SGCZ: variants seen among roughly 807,000 people sequenced by gnomAD.
SGCZ encodes the protein sarcoglycan zeta, also known as zeta-sarcoglycan.
Under a neutral mutation model 41.3 loss-of-function variants are expected in SGCZ, and 40 were observed. That is an observed-to-expected ratio of 0.97 (90% CI 0.75 to 1.26). The LOEUF is 1.26. SGCZ is among the 50% of genes most tolerant of loss of function. The pLI is 0.00. For missense variants in SGCZ, 552 were observed against 369.8 expected (o/e 1.49, Z -4.04); for synonymous variants, 206 against 137.5 (o/e 1.50, Z -3.49).
chr8:14,277,980 A>G (rs1307841587), intron 3 of SGCZ, among the ~76,000 whole-genome samples: 2 of 152,078 alleles, frequency 1.3e-5, no homozygotes, highest in African/African-American at 2.4e-5. Flanking sequence ...ATTTTTATCT[A>G]CTCTTCTGAG....
In SGCZ at chr8:14,085,212, T is replaced by A. The variant is rs1037518152; in HGVS notation, c.*5231A>T. The stretch of plus-strand genomic sequence containing the variant: ...TTTTGTAATTTTGGTAATATTGCAA[T>A]TTTACAAACATGTTGCATAGTATGT... On this transcript the variant is annotated 3_prime_UTR_variant, in exon 8 of 8. Coordinates refer to ENST00000382080, the MANE Select transcript of SGCZ (RefSeq NM_139167.4). Among the ~76,000 whole-genome samples, 3 of 151,786 alleles carry A rather than the reference T, an allele frequency of 2.0e-5. No individual in the cohort carries two copies. Among genetic ancestry groups the A allele is most frequent in the Non-Finnish European group, 4.4e-5 (3 of 67,808 alleles).
chr8:15,113,460 T>C (rs1324915413), intron 1 of SGCZ, among the ~76,000 whole-genome samples: 2 of 152,102 alleles, frequency 1.3e-5, no homozygotes, highest in Non-Finnish European at 2.9e-5. Flanking sequence ...GCTCTAAATG[T>C]CATTTGTTTT....
At chr8:15,086,472 T>C (rs1012085224) in intron 1 of SGCZ, among the ~76,000 whole-genome samples, 1 of 152,206 alleles carries the variant, frequency 6.6e-6, no homozygotes, top group African/African-American at 2.4e-5. Flanking sequence ...AATATGTATC[T>C]GAACATATGT....
intron 1 of SGCZ, among the ~76,000 whole-genome samples, chr8:14,888,854 T>C (rs1347447405): frequency 6.6e-6 from 1 of 152,160 alleles, no homozygotes; most frequent in Non-Finnish European, 1.5e-5. Flanking sequence ...TTTCAACAGG[T>C]TGTAATAAAT....
At chr8:14,704,812 C>A (rs543989200) in intron 1 of SGCZ, among the ~76,000 whole-genome samples, 1 of 151,904 alleles carries the variant, frequency 6.6e-6, no homozygotes. Flanking sequence ...ACAACAACAA[C>A]AACAAAACAC....
In SGCZ at chr8:14,088,683, A is replaced by G. The variant is rs936280559; in HGVS notation, c.*1760T>C. ...ATAATCACATTTTATTTTAACAGTA[A>G]TAAATTAGCCTTTGAACCCTTCTGC... is the stretch of plus-strand genomic sequence containing the variant. On this transcript the variant is annotated 3_prime_UTR_variant, in exon 8 of 8. Coordinates refer to ENST00000382080, the MANE Select transcript of SGCZ (RefSeq NM_139167.4). Among the ~76,000 whole-genome samples, 3 of 151,952 alleles carry G rather than the reference A, an allele frequency of 2.0e-5. No individual in the cohort carries two copies. The highest frequency in any genetic ancestry group is 4.4e-5 in the Non-Finnish European group (3 of 67,902).
chr8:14,332,113 C>CA (rs1406746554), intron 2 of SGCZ, among the ~76,000 whole-genome samples: 2 of 151,714 alleles, frequency 1.3e-5, no homozygotes, highest in Non-Finnish European at 2.9e-5. Flanking sequence ...AATTGCTCCA[C>CA]AAAAAAATGC....
chr8:14,427,256 G>A lies in SGCZ; in HGVS notation c.235-103052C>T, dbSNP rs544541107. On this transcript the variant is annotated intron_variant, in intron 2 of 7. Transcript: ENST00000382080. ...CTACTAGCCTTAGTACATGGATGAG[G>A]AAATAAGCTATACAACAAACCCCCA... Among the ~76,000 whole-genome samples, 7 of 152,086 alleles carry A rather than the reference G, an allele frequency of 4.6e-5. No individual in the cohort carries two copies. The South Asian group carries it at 1.5e-3, about 32-fold the overall frequency.
chr8:14,286,352 C>A (rs2116932012), intron 3 of SGCZ, among the ~76,000 whole-genome samples: 1 of 152,192 alleles, frequency 6.6e-6, no homozygotes, highest in Middle Eastern at 3.4e-3. Flanking sequence ...AACAAACTCA[C>A]CATTCATTCT....
intron 1 of SGCZ, among the ~76,000 whole-genome samples, chr8:15,018,539 G>C (rs748603583): frequency 6.6e-6 from 1 of 152,142 alleles, no homozygotes; most frequent in African/African-American, 2.4e-5. Flanking sequence ...GAGCAGTCTA[G>C]GCAGAGGGAA....
intron 1 of SGCZ, among the ~76,000 whole-genome samples, chr8:14,859,761 T>A (rs1803658015): frequency 6.6e-6 from 1 of 152,180 alleles, no homozygotes; most frequent in Admixed American, 6.6e-5. Context: ...GCCAGCGAAA[T>A]ATGAGTGCAA....
intron 4 of SGCZ, among the ~76,000 whole-genome samples, chr8:14,218,806 A>G (rs1419450133): frequency 6.6e-6 from 1 of 152,196 alleles, no homozygotes; most frequent in South Asian, 2.1e-4. Flanking sequence ...ACCGTTAATG[A>G]ATGTACAGTG....
At chr8:14,125,844 G>C (rs1802837844) in intron 5 of SGCZ, among the ~76,000 whole-genome samples, 1 of 152,218 alleles carries the variant, frequency 6.6e-6, no homozygotes. Flanking sequence ...TCTGATCTTT[G>C]ACAAACCTGA....
intron 1 of SGCZ, among the ~76,000 whole-genome samples, chr8:14,666,960 A>AAT (rs988670038): frequency 6.6e-6 from 1 of 152,050 alleles, no homozygotes; most frequent in Non-Finnish European, 1.5e-5. Flanking sequence ...TATGCACACA[A>AAT]ATATATATAT....
At chr8:14,376,868 T>C (rs918080639) in intron 2 of SGCZ, among the ~76,000 whole-genome samples, 1 of 152,180 alleles carries the variant, frequency 6.6e-6, no homozygotes, top group Non-Finnish European at 1.5e-5. Context: ...CAATGCCAGT[T>C]AAATATTGGA....
chr8:15,061,530 T>TATA lies in SGCZ; in HGVS notation c.39+176054_39+176055insTAT, dbSNP rs113966168. ...CATGTATCCCAGAACTTACAGTATA[T>TATA]AAAAAAAAAAAACAGGAAAAAATTA... On this transcript the variant is annotated intron_variant, in intron 1 of 7. Transcript: ENST00000382080. 4.6e-3 allele frequency among the ~76,000 whole-genome samples: 657 copies of TATA among 142,024 alleles called. 8 individuals carry two copies. The highest frequency in any genetic ancestry group is 0.016 in the African/African-American group (639 of 38,832). 93.2% of individuals were successfully genotyped at this position (142,024 alleles called of 152,430 possible). A position where few individuals can be genotyped will look rare whatever the true frequency, so the allele number is the denominator to read the frequency against.
At chr8:14,137,904 G>C (rs1409732425) in intron 5 of SGCZ, among the ~76,000 whole-genome samples, 1 of 152,074 alleles carries the variant, frequency 6.6e-6, no homozygotes, top group African/African-American at 2.4e-5. Flanking sequence ...TGAAATGAAG[G>C]AAAAAATATT....
intron 2 of SGCZ, among the ~76,000 whole-genome samples, chr8:14,459,176 C>G (rs1300876626): frequency 6.6e-6 from 1 of 151,942 alleles, no homozygotes; most frequent in Non-Finnish European, 1.5e-5. Flanking sequence ...GACAAAAAAC[C>G]AAACACCGCA....
At chr8:14,612,052 C>G (rs531418294) in intron 1 of SGCZ, among the ~76,000 whole-genome samples, 1 of 152,264 alleles carries the variant, frequency 6.6e-6, no homozygotes, top group South Asian at 2.1e-4. Flanking sequence ...AGCATTTGTC[C>G]TTCAAATTTG....
Sources: allele counts gnomAD v4.1 joint callset (sites outside exome capture counted in the v4.1 genomes callset), GRCh38; gene constraint gnomAD v4.1.1; transcripts MANE v1.5; gene names NCBI Gene and HGNC (gene_info 2026-07-23, HGNC 2026-07-21).